The following PPP1R9A variants were observed in gnomAD, a reference collection of about 807,000 sequenced individuals.
The protein encoded by PPP1R9A is protein phosphatase 1 regulatory subunit 9A, also known as neurabin-1.
In PPP1R9A, 59 loss-of-function variants were observed where a neutral mutation model predicts 141.9. That is an observed-to-expected ratio of 0.42 (90% CI 0.34 to 0.52). The LOEUF is 0.52. Among genes scored for constraint, PPP1R9A ranks in the 20% least tolerant of loss-of-function variants. The pLI is 0.10. For missense variants in PPP1R9A, 1,444 were observed against 1,611.9 expected (o/e 0.90, Z 1.78); for synonymous variants, 500 against 569.7 (o/e 0.88, Z 1.74).
intron 2 of PPP1R9A, among the ~76,000 whole-genome samples, chr7:94,963,045 C>CA (rs942638898): frequency 2.9e-4 from 44 of 151,790 alleles, no homozygotes; most frequent in African/African-American, 1.0e-3. Context: ...TTAAATACAG[C>CA]AAAAAAATCT....
intron 12 of PPP1R9A, among the ~76,000 whole-genome samples, chr7:95,258,220 G>A: frequency 6.6e-6 from 1 of 152,152 alleles, no homozygotes; most frequent in East Asian, 1.9e-4. Flanking sequence ...TAACTGGTGT[G>A]AGATGGTACC....
intron 4 of PPP1R9A, among the ~76,000 whole-genome samples, chr7:95,133,913 C>A (rs566361886): frequency 3.3e-5 from 5 of 152,204 alleles, no homozygotes; most frequent in African/African-American, 1.2e-4. Context: ...TGGTCTTGAA[C>A]CAGGCAGCCA....
chr7:95,192,178 A>G (rs1835603776), intron 5 of PPP1R9A, among the ~76,000 whole-genome samples: 1 of 151,978 alleles, frequency 6.6e-6, no homozygotes, highest in African/African-American at 2.4e-5. Context: ...ACTGTGATCA[A>G]ATAAAAGGGA....
At position 95,097,126 on chromosome 7, in the gene PPP1R9A, C is replaced by T. The variant is rs113856380; in HGVS notation, c.1396-14133C>T. Among the ~76,000 whole-genome samples, 511 of 152,168 alleles carry T rather than the reference C, an allele frequency of 3.4e-3. 5 individuals carry two copies. Among genetic ancestry groups the T allele is most frequent in the African/African-American group, 0.011 (462 of 41,530 alleles). The stretch of plus-strand genomic sequence containing the variant: ...ACTGCAACCGCCTCCCAGATTCAAG[C>T]GATTCTCCTGCCTCACCCTCCTGAG... On this transcript the variant is annotated intron_variant, in intron 2 of 19. Coordinates refer to ENST00000433360, the MANE Select transcript of PPP1R9A (RefSeq NM_001166160.2).
intron 16 of PPP1R9A, among the ~76,000 whole-genome samples, chr7:95,278,980 T>G (rs1227080262): frequency 2.0e-5 from 3 of 152,152 alleles, no homozygotes; most frequent in African/African-American, 7.2e-5. Context: ...ATTAAGATGG[T>G]CACATTGAAG....
At chr7:95,145,436 A>G (rs947343243) in intron 4 of PPP1R9A, among the ~76,000 whole-genome samples, 1 of 152,262 alleles carries the variant, frequency 6.6e-6, no homozygotes, top group Admixed American at 6.5e-5. Context: ...TAAAAGTTAA[A>G]ACCACAAAAG....
intron 2 of PPP1R9A, among the ~76,000 whole-genome samples, chr7:95,042,290 T>C (rs1328696119): frequency 1.3e-5 from 2 of 152,194 alleles, no homozygotes; most frequent in African/African-American, 4.8e-5. Flanking sequence ...TGCAGTGCAA[T>C]GGGTCTTTTT....
chr7:95,202,547 T>C (rs1257071000), intron 6 of PPP1R9A: 1 of 856,762 alleles, frequency 1.2e-6, no homozygotes, highest in Non-Finnish European at 1.4e-6. Flanking sequence ...TCTTTCTCTT[T>C]TCTTTTTTTT....
rs1436610110 is a variant in PPP1R9A, at chr7:95,291,652, T to C, written c.*1349T>C. On this transcript the variant is annotated 3_prime_UTR_variant, in exon 20 of 20. Transcript: ENST00000433360. ...TGTGATGAGGGTTTTTTGTTTTTTA[T>C]GCTCATGTATCTGGTTCTCTTTGCT... 1 of 152,204 alleles carries C rather than the reference T, an allele frequency of 6.6e-6. No individual in the cohort carries two copies. The highest frequency in any genetic ancestry group is 1.9e-4 in the East Asian group (1 of 5,194). 9.4% of individuals were successfully genotyped at this position (152,204 alleles called of 1,614,324 possible).
Position 94,968,259 on chromosome 7 carries a change from G to A in PPP1R9A, c.1395+56751G>A, listed in dbSNP as rs1173860258. ...GGGATCTCGGCTCACTGCAAGCTCC[G>A]CCTCCCGGGTTCACGCCATTCTCCT... is the stretch of plus-strand genomic sequence containing the variant. On this transcript the variant is annotated intron_variant, in intron 2 of 19. Coordinates refer to ENST00000433360, the MANE Select transcript of PPP1R9A (RefSeq NM_001166160.2). Among the ~76,000 whole-genome samples, 11 of 151,382 alleles carry A rather than the reference G, an allele frequency of 7.3e-5. No individual in the cohort carries two copies. In the East Asian group the frequency reaches 1.9e-3, roughly 27 times the overall value.
intron 8 of PPP1R9A, among the ~76,000 whole-genome samples, chr7:95,238,967 T>A (rs1797082122): frequency 6.6e-6 from 1 of 152,158 alleles, no homozygotes; most frequent in Non-Finnish European, 1.5e-5. Flanking sequence ...CTTGAACAAT[T>A]GGGGAAACTT....
chr7:95,270,658 C>G (rs568221093), intron 14 of PPP1R9A, among the ~76,000 whole-genome samples: 20 of 152,222 alleles, frequency 1.3e-4, no homozygotes, highest in Non-Finnish European at 2.8e-4. Context: ...CAACCTAATA[C>G]TAAAGTTTTG....
intron 2 of PPP1R9A, among the ~76,000 whole-genome samples, chr7:95,042,466 ATC>A (rs1298251254): frequency 6.6e-6 from 1 of 152,182 alleles, no homozygotes; most frequent in Non-Finnish European, 1.5e-5. Context: ...GCATGAAGGC[ATC>A]TATACCATTT....
At position 94,992,230 on chromosome 7, in the gene PPP1R9A, T is replaced by C. The variant is rs1421064404; in HGVS notation, c.1395+80722T>C. Among the ~76,000 whole-genome samples, 10 of 152,228 alleles carry C rather than the reference T, an allele frequency of 6.6e-5. No homozygotes were observed. The East Asian group carries it at 1.9e-3, about 29-fold the overall frequency. On this transcript the variant is annotated intron_variant, in intron 2 of 19. Coordinates refer to ENST00000433360, the MANE Select transcript of PPP1R9A (RefSeq NM_001166160.2). ...TGCATTTTCTAGGATTGTATATAAA[T>C]GGAAGTACAGAGTATGTACTCTTTT...
intron 9 of PPP1R9A, among the ~76,000 whole-genome samples, chr7:95,248,982 T>G (rs968205194): frequency 1.3e-5 from 2 of 152,158 alleles, no homozygotes; most frequent in African/African-American, 4.8e-5. Flanking sequence ...TTTGCATCCT[T>G]TTGAACTTTA....
intron 12 of PPP1R9A, among the ~76,000 whole-genome samples, chr7:95,262,143 G>A (rs1344509395): frequency 6.6e-6 from 1 of 152,152 alleles, no homozygotes; most frequent in Admixed American, 6.5e-5. Flanking sequence ...GCAACCCTGA[G>A]TGAAAACACA....
chr7:95,277,863 A>G (rs1803481116), intron 16 of PPP1R9A, among the ~76,000 whole-genome samples: 1 of 152,244 alleles, frequency 6.6e-6, no homozygotes, highest in Non-Finnish European at 1.5e-5. Context: ...GTAAGTAGCC[A>G]CTGATGTCAG....
At chr7:95,159,767 C>A (rs1830172584) in intron 4 of PPP1R9A, among the ~76,000 whole-genome samples, 1 of 151,296 alleles carries the variant, frequency 6.6e-6, no homozygotes, top group Admixed American at 6.6e-5. Context: ...ACTAAAAATA[C>A]AAAAAAACAT....
In PPP1R9A at chr7:95,244,983, C is replaced by T. The variant is rs188059331; in HGVS notation, c.2113-2490C>T. 2.1e-3 allele frequency among the ~76,000 whole-genome samples: 327 copies of T among 152,238 alleles called. 4 individuals are homozygous for T. Among genetic ancestry groups the T allele is most frequent in the Admixed American group, 2.9e-3 (44 of 15,292 alleles). On this transcript the variant is annotated intron_variant, in intron 8 of 19. Coordinates refer to ENST00000433360, the MANE Select transcript of PPP1R9A (RefSeq NM_001166160.2). ...AATGCTCCATAGAGTACATGGTAGA[C>T]CAGAGATGAATTCAAGCAGTCTAAG...
Sources: gnomAD v4.1 joint callset for allele counts (sites outside exome capture counted in the v4.1 genomes callset) on GRCh38, gnomAD v4.1.1 for gene constraint, MANE v1.5 for transcripts, NCBI Gene and HGNC (gene_info 2026-07-23, HGNC 2026-07-21) for gene names.